Variants in BTBD16 observed in about 807,000 individuals in gnomAD.
The protein encoded by BTBD16 is BTB/POZ domain-containing protein 16.
A neutral mutation model predicts 67.4 loss-of-function variants in BTBD16; 66 were observed. That is an observed-to-expected ratio of 0.98 (90% CI 0.80 to 1.20). The LOEUF is 1.20. BTBD16 is among the 50% of genes most tolerant of loss of function. The pLI is 0.00. For synonymous variants in BTBD16, 242 were observed against 236.4 expected, an observed-to-expected ratio of 1.02 and a Z score of -0.22; for missense variants, 634 against 616.0, an observed-to-expected ratio of 1.03 and a Z score of -0.31.
rs1429154958 is a variant in BTBD16, at chr10:122,276,950, T to C, written c.167+11T>C. 1.2e-6 allele frequency: 2 copies of C among 1,609,760 alleles called. No individual in the cohort carries two copies. The highest frequency in any genetic ancestry group is 2.7e-5 in the African/African-American group (2 of 74,784). On this transcript the variant is annotated intron_variant, in intron 3 of 15. Coordinates refer to ENST00000260723, the MANE Select transcript of BTBD16 (RefSeq NM_144587.5). ...GAGGAACCCAGACAGGTATGGAGAC[T>C]CAAAGGTTTGTGGGAGGGAATGGCC...
At chr10:122,314,621 T>C (rs1339581669) in intron 10 of BTBD16, among the ~76,000 whole-genome samples, 3 of 152,264 alleles carry the variant, frequency 2.0e-5, no homozygotes, top group Admixed American at 6.5e-5. Flanking sequence ...TTGCTGACTC[T>C]ATTGTAAATA....
intron 10 of BTBD16, among the ~76,000 whole-genome samples, chr10:122,320,330 G>T (rs1212591834): frequency 4.0e-5 from 6 of 151,750 alleles, no homozygotes; most frequent in African/African-American, 1.5e-4. Flanking sequence ...TTAACTATAG[G>T]TTTTTTATAG....
chr10:122,282,137 C>T, intron 3 of BTBD16, among the ~76,000 whole-genome samples: 1 of 152,222 alleles, frequency 6.6e-6, no homozygotes, highest in East Asian at 1.9e-4. Context: ...TCCCTTGGCT[C>T]AGCCGATGAC....
At chr10:122,291,320 G>A in intron 7 of BTBD16, 126 bp downstream of exon 7, 1 of 1,238,726 alleles carries the variant, frequency 8.1e-7, no homozygotes, top group Non-Finnish European at 1.1e-6. Flanking sequence ...TTTGTGCCAA[G>A]CATGGCCTTG....
chr10:122,296,669 A>C (rs2096383829), intron 7 of BTBD16, among the ~76,000 whole-genome samples: 1 of 152,166 alleles, frequency 6.6e-6, no homozygotes, highest in Non-Finnish European at 1.5e-5. Context: ...CGTCTACCAC[A>C]CTCCATTCAC....
rs566885880 is a variant in BTBD16, at chr10:122,298,329, G to T, written c.660+492G>T. Among the ~76,000 whole-genome samples the T allele has an allele frequency of 3.3e-5, 5 of 152,302 alleles. No homozygotes were observed. The South Asian group carries it at 8.3e-4, about 25-fold the overall frequency. ...TGTATGGCCACCAGTGACCTGGGGG[G>T]GGATACCAAGCAGCATGCCACAGTT... is the stretch of plus-strand genomic sequence containing the variant. On this transcript the variant is annotated intron_variant, in intron 8 of 15. Coordinates refer to ENST00000260723, the MANE Select transcript of BTBD16 (RefSeq NM_144587.5).
At chr10:122,331,363 G>A (rs1317177084) in intron 12 of BTBD16, 105 bp downstream of exon 12, 2 of 1,495,796 alleles carry the variant, frequency 1.3e-6, no homozygotes, top group Non-Finnish European at 1.8e-6. Context: ...AAACCTCTGA[G>A]GTCAGGACAT....
intron 13 of BTBD16, 87 bp from the exon 14 acceptor site, chr10:122,334,794 T>C: frequency 1.3e-6 from 1 of 794,586 alleles, no homozygotes; most frequent in East Asian, 2.7e-5. Flanking sequence ...AGTGCTGGGA[T>C]TACAGGTGTG....
intron 10 of BTBD16, among the ~76,000 whole-genome samples, chr10:122,321,426 TC>T (rs1227626211): frequency 6.6e-6 from 1 of 152,200 alleles, no homozygotes; most frequent in Non-Finnish European, 1.5e-5. Flanking sequence ...CTTTGAGAAA[TC>T]TCCAAACTGC....
chr10:122,284,779 C>T (rs1017361405), intron 4 of BTBD16, among the ~76,000 whole-genome samples: 2 of 149,004 alleles, frequency 1.3e-5, no homozygotes, highest in African/African-American at 4.9e-5. Context: ...ATTCTTTTCT[C>T]TCCTTCAACT....
rs137943900 is a variant in BTBD16 at position 122,281,502 on chromosome 10, C to T, written c.168-2349C>T. Among the ~76,000 whole-genome samples the T allele has an allele frequency of 4.6e-5, 7 of 152,262 alleles. No homozygotes were observed. The East Asian group carries it at 9.7e-4, about 21-fold the overall frequency. On this transcript the variant is annotated intron_variant, in intron 3 of 15. Coordinates refer to ENST00000260723, the MANE Select transcript of BTBD16 (RefSeq NM_144587.5). ...GCAGCCTCAAACTCCTGGGCTAAAG[C>T]GGTCCTCCTCCCTCACCCTTGCATG...
chr10:122,303,558 T>C (rs2096397971), intron 9 of BTBD16: 1 of 197,808 alleles, frequency 5.1e-6, no homozygotes, highest in South Asian at 1.8e-4. Context: ...GATGGAGCAG[T>C]GGGCATCCTT....
intron 10 of BTBD16, among the ~76,000 whole-genome samples, chr10:122,313,267 T>G (rs1350191331): frequency 6.6e-5 from 10 of 151,300 alleles, no homozygotes; most frequent in Admixed American, 3.9e-4. Context: ...GTTTTTTTTT[T>G]TTTGTTTTTT....
At chr10:122,320,143 A>G (rs1215445343) in intron 10 of BTBD16, among the ~76,000 whole-genome samples, 2 of 152,070 alleles carry the variant, frequency 1.3e-5, no homozygotes, top group Non-Finnish European at 2.9e-5. Flanking sequence ...ATCACCTGTA[A>G]AAAAAGACAA....
chr10:122,302,907 G>A (rs1016757197), intron 9 of BTBD16, among the ~76,000 whole-genome samples: 2 of 152,138 alleles, frequency 1.3e-5, no homozygotes, highest in Non-Finnish European at 2.9e-5. Context: ...GTTGGGATTT[G>A]AACCCACGTC....
chr10:122,278,291 A>G (rs529382802), intron 3 of BTBD16, among the ~76,000 whole-genome samples: 1 of 152,260 alleles, frequency 6.6e-6, no homozygotes, highest in South Asian at 2.1e-4. Flanking sequence ...TTGGACTGTT[A>G]AAAGCAGTCT....
At chr10:122,281,923 C>G (rs2096354012) in intron 3 of BTBD16, among the ~76,000 whole-genome samples, 2 of 152,200 alleles carry the variant, frequency 1.3e-5, no homozygotes, top group South Asian at 4.1e-4. Context: ...TCCCAGCATC[C>G]CCGCACCAAG....
At chr10:122,309,983 G>A (rs1305463647) in intron 10 of BTBD16, among the ~76,000 whole-genome samples, 1 of 151,412 alleles carries the variant, frequency 6.6e-6, no homozygotes, top group Non-Finnish European at 1.5e-5. Context: ...TGCTGGCCAG[G>A]CTGGTCTCAA....
rs529441922 is a variant in BTBD16 at position 122,290,965 on chromosome 10, G to A, written c.476-115G>A. 26 of 1,388,864 alleles carry A rather than the reference G, an allele frequency of 1.9e-5. 1 individual carries two copies. Among genetic ancestry groups the A allele is most frequent in the Middle Eastern group, 5.5e-4 (2 of 3,650 alleles). 86.0% of individuals were successfully genotyped at this position (1,388,864 alleles called of 1,614,324 possible). ...TGCCTGCATCCAGGTGAGAGGTGGCGCATTTTCTCTAAGGGCACCTCTGCC... is the reference window on the plus strand; with the variant it reads ...TGCCTGCATCCAGGTGAGAGGTGGCACATTTTCTCTAAGGGCACCTCTGCC... On this transcript the variant is annotated intron_variant, in intron 6 of 15. Transcript: ENST00000260723.
Sources: allele counts gnomAD v4.1 joint callset (sites outside exome capture counted in the v4.1 genomes callset), GRCh38; gene constraint gnomAD v4.1.1; transcripts MANE v1.5; gene names NCBI Gene and HGNC (gene_info 2026-07-23, HGNC 2026-07-21).